Variants in GMCL1 observed in about 807,000 individuals in gnomAD.
GMCL1 encodes germ cell-less protein-like 1.
In GMCL1, 54 loss-of-function variants were observed where a neutral mutation model predicts 75.5. That is an observed-to-expected ratio of 0.71 (90% CI 0.57 to 0.90). The LOEUF is 0.90. Among genes scored for constraint, GMCL1 ranks in the 40% least tolerant of loss-of-function variants. The pLI is 0.00. For missense variants in GMCL1, 537 were observed against 622.7 expected (o/e 0.86, Z 1.47); for synonymous variants, 210 against 209.6 (o/e 1.00, Z -0.02).
At chr2:69,837,703 G>A in intron 2 of GMCL1, 33 bp downstream of exon 2, 4 of 1,582,384 alleles carry the variant, frequency 2.5e-6, no homozygotes, top group Non-Finnish European at 3.4e-6. Context: ...TAACAGGGTA[G>A]TCACTGAAAC....
intron 11 of GMCL1, among the ~76,000 whole-genome samples, chr2:69,867,872 T>TC (rs1675866687): frequency 6.6e-6 from 1 of 152,226 alleles, no homozygotes; most frequent in African/African-American, 2.4e-5. Flanking sequence ...AGGTAACTCA[T>TC]ACCTTCTCTC....
At chr2:69,846,670 C>A (rs1265996383) in intron 6 of GMCL1, among the ~76,000 whole-genome samples, 2 of 152,110 alleles carry the variant, frequency 1.3e-5, no homozygotes, top group African/African-American at 4.8e-5. Context: ...AAAAGCAAAA[C>A]AAAACAAATA....
At chr2:69,855,527 A>C (rs1675446391) in intron 9 of GMCL1, among the ~76,000 whole-genome samples, 1 of 152,108 alleles carries the variant, frequency 6.6e-6, no homozygotes, top group East Asian at 1.9e-4. Flanking sequence ...ATTTACATGT[A>C]ATGTTTGTAG....
intron 11 of GMCL1, among the ~76,000 whole-genome samples, chr2:69,868,827 T>A (rs1675895799): frequency 1.3e-5 from 2 of 151,404 alleles, no homozygotes; most frequent in Non-Finnish European, 2.9e-5. Context: ...GTGAAAAGCC[T>A]TATTATTGCT....
chr2:69,847,591 G>A lies in GMCL1; in HGVS notation c.807G>A (p.Met269Ile). 2 of 1,610,690 alleles carry A rather than the reference G, an allele frequency of 1.2e-6. No homozygotes were observed. Among genetic ancestry groups the A allele is most frequent in the Non-Finnish European group, 1.7e-6 (2 of 1,177,302 alleles). Reference protein sequence around the residue: ...QLIGSSNLFVMQVEMDIYTAL... With the variant: ...QLIGSSNLFVIQVEMDIYTAL... ...TTGGTTCATCTAACTTATTTGTGAT[G>A]CAAGTGGAGATGGATATATACACTG... is the stretch of plus-strand genomic sequence containing the variant. Residue 269 changes from methionine (M) to isoleucine (I), a missense_variant, in exon 7 of 14, where the codon ATG becomes ATA. Met to Ile is a conservative substitution (Grantham distance 10). Transcript: ENST00000282570.
At chr2:69,868,428 TC>T (rs1675881846) in intron 11 of GMCL1, among the ~76,000 whole-genome samples, 1 of 152,174 alleles carries the variant, frequency 6.6e-6, no homozygotes, top group Non-Finnish European at 1.5e-5. Context: ...CTTCTCTGTA[TC>T]ACACTACCTT....
intron 2 of GMCL1, among the ~76,000 whole-genome samples, chr2:69,837,888 T>C (rs976402475): frequency 6.6e-6 from 1 of 152,228 alleles, no homozygotes; most frequent in Admixed American, 6.5e-5. Flanking sequence ...AGCCTAATAC[T>C]ACGTATTTGT....
intron 3 of GMCL1, chr2:69,840,126 C>T (rs911927788): frequency 2.6e-5 from 4 of 152,176 alleles, no homozygotes; most frequent in Non-Finnish European, 5.9e-5. Context: ...CAAAGAAATA[C>T]TTTAGTTAAG....
intron 11 of GMCL1, chr2:69,869,462 T>C (rs1675922709): frequency 3.2e-6 from 1 of 313,138 alleles, no homozygotes; most frequent in African/African-American, 2.2e-5. Context: ...TATGGTAGAA[T>C]TGCAGTATGG....
intron 12 of GMCL1, among the ~76,000 whole-genome samples, 161 bp downstream of exon 12, chr2:69,870,025 TAGTAATC>T (rs1471985696): frequency 2.7e-5 from 4 of 149,166 alleles, no homozygotes; most frequent in Admixed American, 2.0e-4. Context: ...AATCTATTGT[TAGTAATC>T]AGAATCATAG....
Position 69,829,962 on chromosome 2 carries a change from A to C in GMCL1, c.70A>C (p.Arg24=). 6.3e-7 allele frequency: 1 copy of C among 1,590,962 alleles called. No individual in the cohort carries two copies. The highest frequency in any genetic ancestry group is 1.1e-5 in the South Asian group (1 of 87,974). The change falls in exon 1 of 14, where the codon AGG becomes CGG. Residue 24 remains arginine (R), a synonymous_variant. Transcript: ENST00000282570. ...CCTTGCCCAGCAGGCGCAGGGTGCCAGGGCGGGGGGCTCGGCCCGGAGGCC... is the reference window on the plus strand; with the variant it reads ...CCTTGCCCAGCAGGCGCAGGGTGCCCGGGCGGGGGGCTCGGCCCGGAGGCC... ...PALAQQAQGA[R]AGGSARRPDT...
chr2:69,846,979 C>T (rs898415017), intron 6 of GMCL1, among the ~76,000 whole-genome samples: 2 of 151,456 alleles, frequency 1.3e-5, no homozygotes, highest in Non-Finnish European at 2.9e-5. Context: ...ACTACAGGTG[C>T]ACACCAACAT....
intron 2 of GMCL1, 84 bp from the exon 3 acceptor site, chr2:69,839,373 T>C: frequency 1.3e-6 from 1 of 754,940 alleles, no homozygotes; most frequent in Non-Finnish European, 2.3e-6. Context: ...ATGGATAGAA[T>C]AGTTGCTTAG....
At chr2:69,830,985 T>G (rs761074803) in intron 1 of GMCL1, among the ~76,000 whole-genome samples, 1 of 152,206 alleles carries the variant, frequency 6.6e-6, no homozygotes, top group Non-Finnish European at 1.5e-5. Context: ...AGTGGTGCGA[T>G]CTCAACTCAC....
rs1553372489 is a variant in GMCL1 at position 69,859,742 on chromosome 2, T to TTAAAAAAAAAAAAAAAAAAAAA, written c.1073-1536_1073-1535insTAAAAAAAAAAAAAAAAAAAAA. Among the ~76,000 whole-genome samples, 109 of 79,068 alleles carry TTAAAAAAAAAAAAAAAAAAAAA rather than the reference T, an allele frequency of 1.4e-3. 1 individual carries two copies. The highest frequency in any genetic ancestry group is 6.3e-3 in the Middle Eastern group (1 of 160). 51.9% of individuals were successfully genotyped at this position (79,068 alleles called of 152,430 possible). A position where few individuals can be genotyped will look rare whatever the true frequency, so the allele number is the denominator to read the frequency against. ...GAGTGAGACCGTGTCTCTCTCTCTC[T>TTAAAAAAAAAAAAAAAAAAAAA]AAAAAAAAAAAAAAAAGTATATATG... On this transcript the variant is annotated intron_variant, in intron 9 of 13. Transcript: ENST00000282570.
chr2:69,836,163 G>GGGCA (rs1674811876), intron 1 of GMCL1, among the ~76,000 whole-genome samples: 2 of 152,058 alleles, frequency 1.3e-5, no homozygotes, highest in Non-Finnish European at 2.9e-5. Context: ...GGGTTCTGAT[G>GGGCA]GGCAGATAAG....
At chr2:69,856,263 T>A (rs1002597189) in intron 9 of GMCL1, among the ~76,000 whole-genome samples, 6 of 152,222 alleles carry the variant, frequency 3.9e-5, no homozygotes, top group Admixed American at 3.9e-4. Context: ...TAAAACTTGA[T>A]CATTTTTCAG....
chr2:69,875,286 C>CT (rs763926511), intron 13 of GMCL1, among the ~76,000 whole-genome samples: 4 of 152,142 alleles, frequency 2.6e-5, no homozygotes, highest in Non-Finnish European at 4.4e-5. Context: ...ACATGAAATA[C>CT]TTATAAACTT....
At chr2:69,866,314 A>G (rs996235478) in intron 11 of GMCL1, among the ~76,000 whole-genome samples, 1 of 152,044 alleles carries the variant, frequency 6.6e-6, no homozygotes, top group Non-Finnish European at 1.5e-5. Context: ...TGAGACATGA[A>G]CTACATTTTT....
Sources: gnomAD v4.1 joint callset for allele counts (sites outside exome capture counted in the v4.1 genomes callset) on GRCh38, gnomAD v4.1.1 for gene constraint, MANE v1.5 for transcripts, NCBI Gene and HGNC (gene_info 2026-07-23, HGNC 2026-07-21) for gene names.